GJA1: variants seen among roughly 807,000 people sequenced by gnomAD.
The protein encoded by GJA1 is gap junction protein alpha 1, also known as gap junction alpha-1 protein.
In GJA1, 9 loss-of-function variants were observed where a neutral mutation model predicts 31.0. That is an observed-to-expected ratio of 0.29 (90% confidence interval 0.17 to 0.51). The LOEUF (loss-of-function observed/expected upper bound fraction) is 0.51, where lower values mean the gene tolerates loss of function less well. Ranked by LOEUF, GJA1 falls within the 20% of genes least tolerant of loss-of-function variation. GJA1 has a pLI of 0.98. For missense variants in GJA1, 278 were observed against 468.8 expected, an observed-to-expected ratio of 0.59 and a Z score of 3.76; for synonymous variants, 186 against 180.1, an observed-to-expected ratio of 1.03 and a Z score of -0.26.
chr6:121,448,192 G>A lies in GJA1; in HGVS notation c.*196G>A. ...ATGGGGTAGATGGGTGGAGAGGGAG[G>A]GGATAAGAGAGGTGCATGTTGGTAT... On this transcript the variant is annotated 3_prime_UTR_variant, in exon 2 of 2. Coordinates refer to ENST00000282561, the MANE Select transcript of GJA1 (RefSeq NM_000165.5). 1.6e-6 allele frequency: 1 copy of A among 633,704 alleles called. No homozygotes were observed. The highest frequency in any genetic ancestry group is 2.9e-6 in the Non-Finnish European group (1 of 347,078). 39.3% of individuals were successfully genotyped at this position (633,704 alleles called of 1,614,324 possible).
At position 121,446,813 on chromosome 6, in the gene GJA1, G is replaced by A. The variant is rs965825439; in HGVS notation, c.-16-19G>A. 13 of 1,486,804 alleles carry A rather than the reference G, an allele frequency of 8.7e-6. No homozygotes were observed. Among genetic ancestry groups the A allele is most frequent in the Non-Finnish European group, 1.1e-5 (12 of 1,063,636 alleles). 92.1% of individuals were successfully genotyped at this position (1,486,804 alleles called of 1,614,324 possible). On this transcript the variant is annotated intron_variant, in intron 1 of 1. Transcript: ENST00000282561. ...ATTTGCAATCTGTGATCCTTGAATT[G>A]TCTCTTTGTTTCTTTCAGGTGGTGC...
chr6:121,443,089 G>A (rs558974318), intron 1 of GJA1, among the ~76,000 whole-genome samples: 6 of 152,296 alleles, frequency 3.9e-5, no homozygotes, highest in East Asian at 1.9e-4. Flanking sequence ...GTAGATCAAT[G>A]CCAGGGATTC....
chr6:121,441,353 T>A (rs1666217947), intron 1 of GJA1, among the ~76,000 whole-genome samples: 1 of 152,094 alleles, frequency 6.6e-6, no homozygotes, highest in Non-Finnish European at 1.5e-5. Context: ...CCTCCCAAAG[T>A]GCTGGAATTA....
At chr6:121,446,792 G>A in intron 1 of GJA1, 40 bp from the exon 2 acceptor site, 1 of 1,225,034 alleles carries the variant, frequency 8.2e-7, no homozygotes, top group Non-Finnish European at 1.2e-6. Context: ...CTAGTAATTT[G>A]CAATCTGTGA....
At chr6:121,445,232 G>A (rs1010708348) in intron 1 of GJA1, among the ~76,000 whole-genome samples, 4 of 152,136 alleles carry the variant, frequency 2.6e-5, no homozygotes, top group African/African-American at 4.8e-5. Flanking sequence ...TGCAAGCTCC[G>A]CCTCCCGGGT....
Position 121,446,813 on chromosome 6 carries a change from G to T in GJA1, c.-16-19G>T. 1 of 1,486,922 alleles carries T rather than the reference G, an allele frequency of 6.7e-7. No homozygotes were observed. The allele number at this position is 1,486,922 out of a possible 1,614,324, so 92.1% of individuals were successfully genotyped here. On this transcript the variant is annotated intron_variant, in intron 1 of 1. Transcript: ENST00000282561. ...ATTTGCAATCTGTGATCCTTGAATTGTCTCTTTGTTTCTTTCAGGTGGTGC... is the reference window on the plus strand; with the variant it reads ...ATTTGCAATCTGTGATCCTTGAATTTTCTCTTTGTTTCTTTCAGGTGGTGC...
rs762100241 is a variant in GJA1 at position 121,447,609 on chromosome 6, G to A, written c.762G>A (p.Leu254=). ...SDPYHATSGA[L]SPAKDCGSQK... ...CTTACCATGCGACCAGTGGTGCGCT[G>A]AGCCCTGCCAAAGACTGTGGGTCTC... is the stretch of plus-strand genomic sequence containing the variant. The change falls in exon 2 of 2, where the codon CTG becomes CTA. Residue 254 remains leucine, a synonymous_variant. Coordinates refer to ENST00000282561, the MANE Select transcript of GJA1 (RefSeq NM_000165.5). 6.2e-7 allele frequency: 1 copy of A among 1,613,918 alleles called. No homozygotes were observed. The highest frequency in any genetic ancestry group is 8.5e-7 in the Non-Finnish European group (1 of 1,179,968).
intron 1 of GJA1, among the ~76,000 whole-genome samples, chr6:121,438,680 A>T (rs1474059134): frequency 6.6e-6 from 1 of 152,220 alleles, no homozygotes; most frequent in African/African-American, 2.4e-5. Context: ...TTATCCGCAC[A>T]CACCAGTTCA....
At chr6:121,440,923 T>C (rs912013709) in intron 1 of GJA1, among the ~76,000 whole-genome samples, 9 of 143,108 alleles carry the variant, frequency 6.3e-5, no homozygotes, top group Admixed American at 1.4e-4. Flanking sequence ...TTGTTGTTGT[T>C]GTTGTTGTTG....
rs746134652 is a variant in GJA1 at position 121,448,042 on chromosome 6, A to T, written c.*46A>T. 1 of 1,538,046 alleles carries T rather than the reference A, an allele frequency of 6.5e-7. No homozygotes were observed. Among genetic ancestry groups the T allele is most frequent in the Non-Finnish European group, 9.0e-7 (1 of 1,110,884 alleles). ...AGATTCCACTCAATTGTGGAGAAGA[A>T]AAAAGGTGCTGTAGAAAGTGCACCA... On this transcript the variant is annotated 3_prime_UTR_variant, in exon 2 of 2. Transcript: ENST00000282561.
At position 121,448,032 on chromosome 6, in the gene GJA1, G is replaced by A. The variant is rs755999137; in HGVS notation, c.*36G>A. The A allele has an allele frequency of 3.2e-6, 5 of 1,583,658 alleles. No homozygotes were observed. ...GAAAGCATCAAGATTCCACTCAATT[G>A]TGGAGAAGAAAAAAGGTGCTGTAGA... is the stretch of plus-strand genomic sequence containing the variant. On this transcript the variant is annotated 3_prime_UTR_variant, in exon 2 of 2. Transcript: ENST00000282561.
chr6:121,437,433 C>G (rs1344330799), intron 1 of GJA1, among the ~76,000 whole-genome samples: 1 of 149,910 alleles, frequency 6.7e-6, no homozygotes, highest in Non-Finnish European at 1.5e-5. Context: ...AACCTGAATA[C>G]CTTGGGAATT....
intron 1 of GJA1, among the ~76,000 whole-genome samples, chr6:121,446,524 G>A (rs541979414): frequency 1.3e-5 from 2 of 152,268 alleles, no homozygotes; most frequent in South Asian, 4.1e-4. Context: ...TAGCACAGGT[G>A]GCTTCTCAAG....
Position 121,448,047 on chromosome 6 carries a change from G to A in GJA1, c.*51G>A, listed in dbSNP as rs1438312363. 6.5e-7 allele frequency: 1 copy of A among 1,527,742 alleles called. No homozygotes were observed. Among genetic ancestry groups the A allele is most frequent in the Non-Finnish European group, 9.1e-7 (1 of 1,101,810 alleles). The allele number at this position is 1,527,742 out of a possible 1,614,324, so 94.6% of individuals were successfully genotyped here. On this transcript the variant is annotated 3_prime_UTR_variant, in exon 2 of 2. Coordinates refer to ENST00000282561, the MANE Select transcript of GJA1 (RefSeq NM_000165.5). Reference sequence around the variant, plus strand: ...CCACTCAATTGTGGAGAAGAAAAAAGGTGCTGTAGAAAGTGCACCAGGTGT... The same window carrying A: ...CCACTCAATTGTGGAGAAGAAAAAAAGTGCTGTAGAAAGTGCACCAGGTGT...
At chr6:121,444,608 A>G (rs1773853628) in intron 1 of GJA1, among the ~76,000 whole-genome samples, 2 of 152,188 alleles carry the variant, frequency 1.3e-5, no homozygotes, top group African/African-American at 4.8e-5. Flanking sequence ...TTTACTTCCT[A>G]CAAGGAGATA....
chr6:121,448,135 G>A lies in GJA1; in HGVS notation c.*139G>A. The A allele has an allele frequency of 1.3e-6, 1 of 789,066 alleles. No homozygotes were observed. The highest frequency in any genetic ancestry group is 1.5e-5 in the South Asian group (1 of 68,536). 48.9% of individuals were successfully genotyped at this position (789,066 alleles called of 1,614,324 possible). On this transcript the variant is annotated 3_prime_UTR_variant, in exon 2 of 2. Coordinates refer to ENST00000282561, the MANE Select transcript of GJA1 (RefSeq NM_000165.5). ...ATTCATGAGGCTTAGAAAACACAAAGACATTAGAATACCTAGGTTCACTGG... is the reference window on the plus strand; with the variant it reads ...ATTCATGAGGCTTAGAAAACACAAAAACATTAGAATACCTAGGTTCACTGG...
chr6:121,444,186 G>T (rs1773845846), intron 1 of GJA1, among the ~76,000 whole-genome samples: 1 of 152,026 alleles, frequency 6.6e-6, no homozygotes, highest in African/African-American at 2.4e-5. Flanking sequence ...TCAAGCCTTT[G>T]TTCTTATTTG....
At chr6:121,444,815 T>TA (rs1274797556) in intron 1 of GJA1, among the ~76,000 whole-genome samples, 7 of 152,346 alleles carry the variant, frequency 4.6e-5, no homozygotes, top group African/African-American at 1.4e-4. Flanking sequence ...ATCCTCCAAT[T>TA]ACTACTATGT....
In GJA1 at chr6:121,447,897, A is replaced by G. The variant is rs147277470; in HGVS notation, c.1050A>G (p.Gly350=). Reference sequence around the variant, plus strand: ...AGAATTCTAAAAAACTAGCTGCTGGACATGAATTACAGCCACTAGCCATTG... The same window carrying G: ...AGAATTCTAAAAAACTAGCTGCTGGGCATGAATTACAGCCACTAGCCATTG... The part of the protein sequence containing the change: ...DNQNSKKLAA[G]HELQPLAIVD... The change falls in exon 2 of 2, where the codon GGA becomes GGG. Residue 350 remains glycine, a synonymous_variant. Transcript: ENST00000282561. 68 of 1,613,904 alleles carry G rather than the reference A, an allele frequency of 4.2e-5. No homozygotes were observed. The African/African-American group carries it at 8.4e-4, about 20-fold the overall frequency.
Sources: allele counts gnomAD v4.1 joint callset (sites outside exome capture counted in the v4.1 genomes callset), GRCh38; gene constraint gnomAD v4.1.1; transcripts MANE v1.5; gene names NCBI Gene and HGNC (gene_info 2026-07-23, HGNC 2026-07-21).